LRRC37A2: variants seen among roughly 807,000 people sequenced by gnomAD.
LRRC37A2 encodes leucine rich repeat containing 37 member A2, also known as leucine-rich repeat-containing protein 37A2.
Under a neutral mutation model 68.8 loss-of-function variants are expected in LRRC37A2, and 9 were observed. The ratio of observed to expected loss-of-function variants is 0.13; its 90% CI spans 0.08 to 0.23. The LOEUF (loss-of-function observed/expected upper bound fraction) is 0.23, where lower values mean the gene tolerates loss of function less well. Ranked by LOEUF, LRRC37A2 falls within the 10% of genes least tolerant of loss-of-function variation. LRRC37A2 has a pLI of 1.00. For synonymous variants in LRRC37A2, 63 were observed against 367.6 expected, an observed-to-expected ratio of 0.17 and a Z score of 9.48; for missense variants, 168 against 950.4, an observed-to-expected ratio of 0.18 and a Z score of 10.82.
the LRRC37A2 span, chr17:47,010,388 G>A: frequency 6.6e-6 from 1 of 152,356 alleles, no homozygotes; most frequent in Non-Finnish European, 1.5e-5. Flanking sequence ...GAGAGAAGGA[G>A]TTCCCCCAAA....
the LRRC37A2 span, among the ~76,000 whole-genome samples, chr17:46,855,897 C>G: frequency 1.3e-5 from 2 of 152,248 alleles, no homozygotes; most frequent in East Asian, 3.9e-4. Context: ...CCATGTTGAT[C>G]AGGCTGGTCT....
At chr17:46,488,599 C>T in the LRRC37A2 span, among the ~76,000 whole-genome samples, 5 of 96,850 alleles carry the variant, frequency 5.2e-5, no homozygotes, top group Admixed American at 1.1e-4. Flanking sequence ...CAGCTACTCA[C>T]GAGGCTGAGG....
the LRRC37A2 span, among the ~76,000 whole-genome samples, chr17:46,489,458 T>TTTTGTTTGCTTGTTTGTTTTTTGTTTG: frequency 8.8e-6 from 1 of 113,796 alleles, no homozygotes; most frequent in Non-Finnish European, 1.8e-5. Context: ...TGCTTATGTG[T>TTTTGTTTGCTTGTTTGTTTTTTGTTTG]TTTGCTTGTT....
the LRRC37A2 span, chr17:46,940,299 G>A: frequency 2.1e-6 from 3 of 1,441,008 alleles, no homozygotes; most frequent in South Asian, 2.9e-5. Context: ...GGCCAAATGG[G>A]CCCCAGGTTT....
the LRRC37A2 span, among the ~76,000 whole-genome samples, chr17:46,898,313 CTG>C: frequency 0.1 from 15,753 of 152,196 alleles, 2,273 homozygotes; most frequent in African/African-American, 0.33. Context: ...AAGTTCCAAA[CTG>C]TTAACAACTG....
At chr17:46,945,315 A>G in the LRRC37A2 span, among the ~76,000 whole-genome samples, 1 of 152,256 alleles carries the variant, frequency 6.6e-6, no homozygotes, top group Admixed American at 6.5e-5. Flanking sequence ...TGCTGCTGAG[A>G]TGCTACTGAG....
chr17:46,735,686 T>TTTAC, the LRRC37A2 span, among the ~76,000 whole-genome samples: 3 of 152,168 alleles, frequency 2.0e-5, no homozygotes, highest in Non-Finnish European at 4.4e-5. Flanking sequence ...GGCTCATGCC[T>TTTAC]GTAATCCCAG....
the LRRC37A2 span, among the ~76,000 whole-genome samples, chr17:46,985,506 T>C: frequency 0.71 from 104,459 of 146,572 alleles, 37,266 homozygotes; most frequent in Middle Eastern, 0.79. Context: ...GGAGACAAAG[T>C]GAGATTCCAT....
At chr17:46,737,113 G>A in the LRRC37A2 span, among the ~76,000 whole-genome samples, 1 of 152,218 alleles carries the variant, frequency 6.6e-6, no homozygotes, top group Non-Finnish European at 1.5e-5. Flanking sequence ...ATCCTTCTCA[G>A]TATAGAGATA....
the LRRC37A2 span, among the ~76,000 whole-genome samples, chr17:46,771,248 G>C: frequency 1.1e-4 from 16 of 152,244 alleles, no homozygotes; most frequent in African/African-American, 3.4e-4. Context: ...TGCCAGGGCC[G>C]ACCGAGGACG....
chr17:46,854,148 G>A, the LRRC37A2 span, among the ~76,000 whole-genome samples: 13 of 152,162 alleles, frequency 8.5e-5, no homozygotes, highest in African/African-American at 3.1e-4. Context: ...GGGGCCTCAT[G>A]ATGTTAAGTG....
chr17:46,693,571 A>G, the LRRC37A2 span, among the ~76,000 whole-genome samples: 100 of 146,288 alleles, frequency 6.8e-4, 1 homozygote, highest in East Asian at 0.019. Flanking sequence ...ACTGGCCTGT[A>G]AAAAAGAGAA....
chr17:46,539,791 T>A (rs1278415520), intron 6 of LRRC37A2, among the ~76,000 whole-genome samples: 1,219 of 98,506 alleles, frequency 0.012, no homozygotes, highest in South Asian at 0.015. Flanking sequence ...AAAAAAAAAA[T>A]AGATGAACAA....
the LRRC37A2 span, chr17:46,929,786 C>G: frequency 1.2e-5 from 7 of 562,884 alleles, no homozygotes; most frequent in Non-Finnish European, 2.2e-5. Flanking sequence ...GTCTTATCCC[C>G]CATTACCCCT....
At chr17:46,939,052 T>G in the LRRC37A2 span, 1 of 1,264,810 alleles carries the variant, frequency 7.9e-7, no homozygotes, top group Non-Finnish European at 1.0e-6. Flanking sequence ...TTTGGTGGCT[T>G]TGTTCACATA....
the LRRC37A2 span, among the ~76,000 whole-genome samples, chr17:46,865,895 C>T: frequency 1.8e-4 from 28 of 152,174 alleles, no homozygotes; most frequent in African/African-American, 5.1e-4. Flanking sequence ...TACAGGTGCG[C>T]GCCACAATGC....
At chr17:46,786,076 C>A in the LRRC37A2 span, among the ~76,000 whole-genome samples, 9 of 133,948 alleles carry the variant, frequency 6.7e-5, no homozygotes, top group South Asian at 2.0e-3. Flanking sequence ...CCCACCCCTT[C>A]ATTTCACAGG....
the LRRC37A2 span, among the ~76,000 whole-genome samples, chr17:46,807,405 C>T: frequency 1.8e-4 from 27 of 152,246 alleles, no homozygotes; most frequent in African/African-American, 6.5e-4. Flanking sequence ...TTGCTTGAAC[C>T]CGGGAGGCGG....
chr17:46,729,773 G>A, the LRRC37A2 span, among the ~76,000 whole-genome samples: 1 of 152,084 alleles, frequency 6.6e-6, no homozygotes, highest in South Asian at 2.1e-4. Context: ...TCTTAAACTG[G>A]TGAATCTAAT....
Sources: allele counts gnomAD v4.1 joint callset (sites outside exome capture counted in the v4.1 genomes callset), GRCh38; gene constraint gnomAD v4.1.1; transcripts MANE v1.5; gene names NCBI Gene and HGNC (gene_info 2026-07-23, HGNC 2026-07-21).